Variants in GATA1 observed in about 807,000 individuals in gnomAD.
GATA1 encodes GATA binding protein 1.
A neutral mutation model predicts 18.9 loss-of-function variants in GATA1; 2 were observed. The observed-to-expected ratio is 0.11, with a 90% CI of 0.04 to 0.33. The LOEUF is 0.33. GATA1 is among the 10% of genes least tolerant of loss of function. The pLI is 1.00. For synonymous variants in GATA1, 152 were observed against 149.1 expected (o/e 1.02, Z -0.14); for missense variants, 272 against 344.7 (o/e 0.79, Z 1.67).
intron 2 of GATA1, 132 bp from the exon 3 acceptor site, chrX:48,791,712 T>A: frequency 1.3e-6 from 1 of 769,097 alleles, no homozygotes; most frequent in Non-Finnish European, 1.9e-6. Flanking sequence ...CAGCAGCTGT[T>A]CTGGTAGCCT....
At position 48,793,777 on chromosome X, in the gene GATA1, GCCT is replaced by G. The variant is rs782057976; in HGVS notation, c.871-12_871-10del. ...AGGTCTGGAGTTGGGGACACCCGCAGCCTCCTTTTTGGCAGGTGAACCGGCCAC... is the reference window on the plus strand; with the variant it reads ...AGGTCTGGAGTTGGGGACACCCGCAGCCTTTTTGGCAGGTGAACCGGCCAC... On this transcript the variant is annotated splice_polypyrimidine_tract_variant and intron_variant, in intron 5 of 5. Transcript: ENST00000376670. The G allele has an allele frequency of 1.7e-6, 2 of 1,210,128 alleles. No homozygotes were observed. The highest frequency in any genetic ancestry group is 2.2e-6 in the Non-Finnish European group (2 of 894,960).
Position 48,793,990 on chromosome X carries a change from C to A in GATA1, c.1068C>A (p.Gly356=), listed in dbSNP as rs782507228. The change falls in exon 6 of 6, where the codon GGC becomes GGA. Residue 356 remains glycine (G), a synonymous_variant. Coordinates refer to ENST00000376670, the MANE Select transcript of GATA1 (RefSeq NM_002049.4). ...CGEVASGLTL[G]PPGTAHLYQG... ...AGGTGGCTTCAGGCCTGACACTGGG[C>A]CCCCCAGGTACTGCCCATCTCTACC... 8.3e-7 allele frequency: 1 copy of A among 1,207,642 alleles called. No homozygotes were observed. Among genetic ancestry groups the A allele is most frequent in the Non-Finnish European group, 1.1e-6 (1 of 893,209 alleles).
At chrX:48,793,399 CTCTT>C (rs1264769683) in intron 5 of GATA1, 102 bp downstream of exon 5, 1 of 835,849 alleles carries the variant, frequency 1.2e-6, no homozygotes, top group Admixed American at 2.4e-5. Flanking sequence ...CCCCACAACC[CTCTT>C]TCCTCTTTCC....
rs2062674135 is a variant in GATA1 at position 48,791,269 on chromosome X, A to T, written c.160A>T (p.Thr54Ser). The T allele has an allele frequency of 8.3e-7, 1 of 1,207,038 alleles. No individual in the cohort carries two copies. The highest frequency in any genetic ancestry group is 2.2e-5 in the Admixed American group (1 of 45,538). Residue 54 changes from threonine (T) to serine (S), a missense_variant, in exon 2 of 6, where the codon ACC (threonine) becomes TCC (serine). Coordinates refer to ENST00000376670, the MANE Select transcript of GATA1 (RefSeq NM_002049.4). ...TTCCTCCACTGCCCCGAGCACAGCC[A>T]CCGCTGCAGCTGCGGCACTGGCCTA... ...AASSTAPSTA[T>S]AAAAALAYYR... is the part of the protein sequence containing the mutation.
chrX:48,793,988 G>A lies in GATA1; in HGVS notation c.1066G>A (p.Gly356Ser), dbSNP rs1557020608. Residue 356 changes from glycine to serine, a missense_variant, in exon 6 of 6, where the codon GGC (glycine) becomes AGC (serine). Physicochemically the swap from Gly to Ser is moderately conservative, Grantham distance 56. This residue lies in a region of GATA1 where 83 missense variants were observed against 84.2 expected (regional missense o/e 0.99). Transcript: ENST00000376670. ...GGAGGTGGCTTCAGGCCTGACACTG[G>A]GCCCCCCAGGTACTGCCCATCTCTA... ...CGEVASGLTL[G>S]PPGTAHLYQG... 1.7e-6 allele frequency: 2 copies of A among 1,207,084 alleles called. No individual in the cohort carries two copies. The highest frequency in any genetic ancestry group is 2.2e-6 in the Non-Finnish European group (2 of 893,431).
chrX:48,793,347 C>A (rs929426931), intron 5 of GATA1, 50 bp downstream of exon 5: 78 of 1,157,912 alleles, frequency 6.7e-5, no homozygotes, highest in Admixed American at 1.8e-4. Context: ...TGTCTTCATG[C>A]CACACTGCCC....
At chrX:48,790,921 AG>A (rs1454914741) in intron 1 of GATA1, among the ~76,000 whole-genome samples, 169 bp from the exon 2 acceptor site, 2 of 72,840 alleles carry the variant, frequency 2.7e-5, no homozygotes, top group African/African-American at 1.1e-4. Flanking sequence ...AAGGAGGGGA[AG>A]GAGAGGGGAG....
rs781950543 is a variant in GATA1 at position 48,791,420 on chromosome X, G to A, written c.220+91G>A. The A allele has an allele frequency of 2.1e-5, 17 of 812,855 alleles. No individual in the cohort carries two copies. In the South Asian group the frequency reaches 3.7e-4, roughly 18 times the overall value. 67.0% of individuals were successfully genotyped at this position (812,855 alleles called of 1,213,427 possible). A position where few individuals can be genotyped will look rare whatever the true frequency, so the allele number is the denominator to read the frequency against. On this transcript the variant is annotated intron_variant, in intron 2 of 5. Coordinates refer to ENST00000376670, the MANE Select transcript of GATA1 (RefSeq NM_002049.4). ...GGCTAGGTCAGAATACCACTGTGAG[G>A]ATATCTCAGAAATGGCTGGAAGCTT...
chrX:48,789,529 T>A (rs1290340431), intron 1 of GATA1, among the ~76,000 whole-genome samples: 3 of 110,080 alleles, frequency 2.7e-5, no homozygotes, highest in Non-Finnish European at 5.7e-5. Flanking sequence ...CCCCAGCCCA[T>A]CACCACCCCC....
At chrX:48,789,895 T>C (rs1239531106) in intron 1 of GATA1, among the ~76,000 whole-genome samples, 1 of 109,120 alleles carries the variant, frequency 9.2e-6, no homozygotes, top group Non-Finnish European at 1.9e-5. Context: ...GAGCAGAGGA[T>C]GGTGAACCCC....
intron 4 of GATA1, 108 bp from the exon 5 acceptor site, chrX:48,793,064 C>T (rs1443768605): frequency 2.0e-5 from 17 of 865,555 alleles, no homozygotes; most frequent in Admixed American, 1.9e-4. Context: ...CAAAGCCCTG[C>T]CTTCAACCTG....
intron 1 of GATA1, among the ~76,000 whole-genome samples, chrX:48,789,806 G>C (rs2062668492): frequency 9.0e-6 from 1 of 111,044 alleles, no homozygotes; most frequent in Non-Finnish European, 1.9e-5. Context: ...GGTGGAGGGA[G>C]GAGGGAGTCA....
chrX:48,791,461 C>T lies in GATA1; in HGVS notation c.220+132C>T, dbSNP rs782127453. On this transcript the variant is annotated intron_variant, in intron 2 of 5. Transcript: ENST00000376670. ...CTGGAAGCTTCTCAAATGGATGTGC[C>T]GACCACTTTCCCTAGTTAAGTGCAG... 1.1e-5 allele frequency: 7 copies of T among 632,431 alleles called. No homozygotes were observed. In the African/African-American group the frequency reaches 1.3e-4, roughly 12 times the overall value. The allele number at this position is 632,431 out of a possible 1,213,427, so 52.1% of individuals were successfully genotyped here.
intron 2 of GATA1, 110 bp from the exon 3 acceptor site, chrX:48,791,734 G>T: frequency 1.1e-6 from 1 of 939,116 alleles, no homozygotes; most frequent in East Asian, 3.1e-5. Context: ...TGGAAAAGCT[G>T]GGAACTTGGC....
Position 48,793,864 on chromosome X carries a change from A to G in GATA1, c.942A>G (p.Lys314=), listed in dbSNP as rs150473615. 47 of 1,207,311 alleles carry G rather than the reference A, an allele frequency of 3.9e-5. No homozygotes were observed. The African/African-American group carries it at 6.3e-4, about 16-fold the overall frequency. The change falls in exon 6 of 6, where the codon AAA becomes AAG. Residue 314 remains lysine, a synonymous_variant. Coordinates refer to ENST00000376670, the MANE Select transcript of GATA1 (RefSeq NM_002049.4). ...TRNRKASGKG[K]KKRGSSLGGT... is the part of the protein sequence containing the mutation. The stretch of plus-strand genomic sequence containing the variant: ...ACCGCAAGGCATCTGGAAAAGGGAA[A>G]AAGAAACGGGGCTCCAGTCTGGGAG...
In GATA1 at chrX:48,793,970, G is replaced by A. The variant is rs1557020602; in HGVS notation, c.1048G>A (p.Ala350Thr). 1.7e-6 allele frequency: 2 copies of A among 1,204,409 alleles called. No homozygotes were observed. The highest frequency in any genetic ancestry group is 3.6e-5 in the South Asian group (2 of 55,869). ...CGGTAGCGGGAATTGTGGGGAGGTGGCTTCAGGCCTGACACTGGGCCCCCC... is the reference window on the plus strand; with the variant it reads ...CGGTAGCGGGAATTGTGGGGAGGTGACTTCAGGCCTGACACTGGGCCCCCC... ...GSGSGNCGEV[A>T]SGLTLGPPGT... Residue 350 changes from alanine (A) to threonine (T), a missense_variant, in exon 6 of 6, where the codon GCT becomes ACT. Ala to Thr is a moderately conservative substitution (Grantham distance 58). Transcript: ENST00000376670.
chrX:48,793,770 AC>A, intron 5 of GATA1, 22 bp from the exon 6 acceptor site: 1 of 1,208,601 alleles, frequency 8.3e-7, no homozygotes, highest in Non-Finnish European at 1.1e-6. Context: ...AGTTGGGGAC[AC>A]CCGCAGCCTC....
At position 48,794,200 on chromosome X, in the gene GATA1, T is replaced by C. The variant is rs2147307890; in HGVS notation, c.*36T>C. The C allele has an allele frequency of 8.4e-7, 1 of 1,194,062 alleles. No individual in the cohort carries two copies. Among genetic ancestry groups the C allele is most frequent in the Non-Finnish European group, 1.1e-6 (1 of 884,910 alleles). On this transcript the variant is annotated 3_prime_UTR_variant, in exon 6 of 6. Transcript: ENST00000376670. ...CATGGCCTCCAGAGGAGGGGTGGTG[T>C]CCTTCTCCTCTTGTAGCCAGAATTC...
rs2062683753 is a variant in GATA1, at chrX:48,794,202, C to A, written c.*38C>A. Reference sequence around the variant, plus strand: ...TGGCCTCCAGAGGAGGGGTGGTGTCCTTCTCCTCTTGTAGCCAGAATTCTG... The same window carrying A: ...TGGCCTCCAGAGGAGGGGTGGTGTCATTCTCCTCTTGTAGCCAGAATTCTG... On this transcript the variant is annotated 3_prime_UTR_variant, in exon 6 of 6. Coordinates refer to ENST00000376670, the MANE Select transcript of GATA1 (RefSeq NM_002049.4). 2 of 1,193,967 alleles carry A rather than the reference C, an allele frequency of 1.7e-6. No individual in the cohort carries two copies. The highest frequency in any genetic ancestry group is 1.8e-5 in the South Asian group (1 of 54,413).
Sources: allele counts gnomAD v4.1 joint callset (sites outside exome capture counted in the v4.1 genomes callset), GRCh38; gene constraint gnomAD v4.1.1; regional missense constraint gnomAD v4.1.1; transcripts MANE v1.5; gene names NCBI Gene and HGNC (gene_info 2026-07-23, HGNC 2026-07-21).